The following XIRP2 variants were observed in gnomAD, a reference collection of about 807,000 sequenced individuals.
The protein encoded by XIRP2 is xin actin binding repeat containing 2, also known as xin actin-binding repeat-containing protein 2.
XIRP2 carries 236 observed loss-of-function variants against 277.0 expected under a neutral mutation model. The observed-to-expected ratio is 0.85, with a 90% CI of 0.77 to 0.95. The LOEUF (loss-of-function observed/expected upper bound fraction) is 0.95, where lower values mean the gene tolerates loss of function less well. Ranked by LOEUF, XIRP2 falls within the 40% of genes least tolerant of loss-of-function variation. The probability of loss-of-function intolerance (pLI) is 0.00; values close to 1 mark genes in which losing one functional copy is unlikely to be tolerated. For synonymous variants in XIRP2, 1,490 were observed against 1,416.5 expected (o/e 1.05, Z -1.17); for missense variants, 4,640 against 4,157.5 (o/e 1.12, Z -3.19).
intron 2 of XIRP2, among the ~76,000 whole-genome samples, chr2:166,997,173 A>G (rs1687243665): frequency 6.6e-6 from 1 of 152,132 alleles, no homozygotes; most frequent in Non-Finnish European, 1.5e-5. Flanking sequence ...AAAATATGAA[A>G]TCTCATTTTC....
At chr2:166,919,176 A>G (rs1684973011) in intron 2 of XIRP2, among the ~76,000 whole-genome samples, 1 of 152,068 alleles carries the variant, frequency 6.6e-6, no homozygotes, top group Admixed American at 6.6e-5. Context: ...GGCACATAAT[A>G]CTCACTGTAT....
At chr2:167,162,033 A>G (rs937962268) in intron 3 of XIRP2, among the ~76,000 whole-genome samples, 4 of 152,158 alleles carry the variant, frequency 2.6e-5, no homozygotes, top group Non-Finnish European at 5.9e-5. Flanking sequence ...TCTCTCTGTT[A>G]AAAGATAACA....
chr2:167,246,535 C>T lies in XIRP2; in HGVS notation c.5143C>T (p.Arg1715Cys), dbSNP rs745448561. Reference protein sequence around the residue: ...REEVIGGDVKRTIHNLLSSTS... With the variant: ...REEVIGGDVKCTIHNLLSSTS... ...AGAAGTAATAGGTGGTGATGTCAAA[C>T]GTACCATTCATAATTTATTGTCTTC... The change falls in exon 9 of 11, where the codon CGT becomes TGT. Residue 1715 changes from arginine (R) to cysteine (C), a missense_variant. Transcript: ENST00000409195. 39 of 1,613,510 alleles carry T rather than the reference C, an allele frequency of 2.4e-5. No homozygotes were observed. Among genetic ancestry groups the T allele is most frequent in the South Asian group, 1.2e-4 (11 of 91,052 alleles).
chr2:167,222,169 C>A (rs867554776), intron 5 of XIRP2, among the ~76,000 whole-genome samples: 5 of 152,140 alleles, frequency 3.3e-5, no homozygotes, highest in Non-Finnish European at 7.4e-5. Flanking sequence ...AAAAGGGGTG[C>A]ACAATATAAG....
At chr2:167,101,038 C>A (rs1690473272) in intron 2 of XIRP2, among the ~76,000 whole-genome samples, 1 of 151,992 alleles carries the variant, frequency 6.6e-6, no homozygotes, top group African/African-American at 2.4e-5. Context: ...TAAAAAAAAT[C>A]TTTTGAACGT....
In XIRP2 at chr2:166,988,167, C is replaced by T. The variant is rs377431705; in HGVS notation, c.408+84277C>T. ...AATAAGACATGTGGATATCAAGCAC[C>T]CCCTACTCTAATGCACTTGAAAGCA... On this transcript the variant is annotated intron_variant, in intron 2 of 10. Coordinates refer to ENST00000409195, the MANE Select transcript of XIRP2 (RefSeq NM_152381.6). 6.9e-4 allele frequency among the ~76,000 whole-genome samples: 105 copies of T among 152,194 alleles called. 1 individual carries two copies. The highest frequency in any genetic ancestry group is 2.5e-3 in the African/African-American group (103 of 41,532).
chr2:166,912,879 C>T (rs1374207112), intron 2 of XIRP2, among the ~76,000 whole-genome samples: 2 of 151,836 alleles, frequency 1.3e-5, no homozygotes, highest in Non-Finnish European at 1.5e-5. Flanking sequence ...CACTCGAGAC[C>T]GTTTCCCTGG....
chr2:167,240,533 C>T (rs1695032450), intron 6 of XIRP2, 131 bp from the exon 7 acceptor site: 1 of 700,270 alleles, frequency 1.4e-6, no homozygotes, highest in African/African-American at 1.8e-5. Context: ...ATGATAGCAG[C>T]TTAATTAGCA....
Position 167,172,182 on chromosome 2 carries a change from C to T in XIRP2, c.562+36120C>T, listed in dbSNP as rs572291877. Among the ~76,000 whole-genome samples the T allele has an allele frequency of 7.2e-5, 11 of 152,126 alleles. No individual in the cohort carries two copies. In the South Asian group the frequency reaches 1.0e-3, roughly 14 times the overall value. On this transcript the variant is annotated intron_variant, in intron 3 of 10. Coordinates refer to ENST00000409195, the MANE Select transcript of XIRP2 (RefSeq NM_152381.6). The stretch of plus-strand genomic sequence containing the variant: ...GGAGACATCACATGTCGGCAGGTTC[C>T]GTGATGCTCCCCAAGCCGCAAAACC...
intron 2 of XIRP2, among the ~76,000 whole-genome samples, chr2:167,102,238 C>T (rs910413436): frequency 1.3e-5 from 2 of 152,068 alleles, no homozygotes; most frequent in African/African-American, 4.8e-5. Context: ...AATCAGAGAC[C>T]AGGAGGCGCA....
intron 3 of XIRP2, among the ~76,000 whole-genome samples, chr2:167,155,222 G>C (rs1043349501): frequency 3.3e-5 from 5 of 151,490 alleles, no homozygotes; most frequent in African/African-American, 1.2e-4. Flanking sequence ...TAGAAAAAGA[G>C]GGAATCCTCC....
intron 2 of XIRP2, among the ~76,000 whole-genome samples, chr2:167,011,292 A>C (rs1687672677): frequency 6.6e-6 from 1 of 151,516 alleles, no homozygotes; most frequent in African/African-American, 2.4e-5. Flanking sequence ...GGGTTGTTGA[A>C]TTTTGTCAAA....
At chr2:167,050,563 G>A (rs953826208) in intron 2 of XIRP2, among the ~76,000 whole-genome samples, 3 of 151,934 alleles carry the variant, frequency 2.0e-5, no homozygotes, top group Non-Finnish European at 2.9e-5. Flanking sequence ...TGATGGCACG[G>A]CAAGGGATGG....
chr2:167,129,738 C>T (rs191868214), intron 2 of XIRP2, among the ~76,000 whole-genome samples: 231 of 151,780 alleles, frequency 1.5e-3, no homozygotes, highest in African/African-American at 5.0e-3. Context: ...GGCGTGGTGG[C>T]GCATGCCTGT....
chr2:167,185,312 T>A (rs1693124070), intron 3 of XIRP2, among the ~76,000 whole-genome samples: 1 of 152,128 alleles, frequency 6.6e-6, no homozygotes. Flanking sequence ...TTCCTGACCA[T>A]TTTTTGTTGG....
intron 2 of XIRP2, among the ~76,000 whole-genome samples, chr2:166,954,088 G>GGT (rs1286970675): frequency 6.6e-6 from 1 of 151,208 alleles, no homozygotes; most frequent in African/African-American, 2.4e-5. Flanking sequence ...AACCCTACTG[G>GGT]GTGTGTGTGT....
At chr2:166,940,909 A>G (rs1685691374) in intron 2 of XIRP2, among the ~76,000 whole-genome samples, 2 of 152,102 alleles carry the variant, frequency 1.3e-5, no homozygotes, top group Admixed American at 6.5e-5. Context: ...CCACTTGAGG[A>G]GGCAGTCTGT....
Position 167,247,787 on chromosome 2 carries a change from A to T in XIRP2, c.6395A>T (p.Asp2132Val). 1 of 1,613,286 alleles carries T rather than the reference A, an allele frequency of 6.2e-7. No individual in the cohort carries two copies. The highest frequency in any genetic ancestry group is 8.5e-7 in the Non-Finnish European group (1 of 1,179,666). The stretch of plus-strand genomic sequence containing the variant: ...CAACAGACATATGAACTGAGAAATG[A>T]CCACCAGAAAATGGAGGGTTTTCAT... ...GKQQTYELRN[D>V]HQKMEGFHIK... Residue 2132 changes from aspartate to valine, a missense_variant, in exon 9 of 11, where the codon GAC (aspartate) becomes GTC (valine). By Grantham distance (152) the Asp-to-Val change is radical. Coordinates refer to ENST00000409195, the MANE Select transcript of XIRP2 (RefSeq NM_152381.6).
At chr2:167,072,285 A>G (rs1259155689) in intron 2 of XIRP2, among the ~76,000 whole-genome samples, 1 of 152,180 alleles carries the variant, frequency 6.6e-6, no homozygotes, top group Non-Finnish European at 1.5e-5. Context: ...GGGTATATAT[A>G]GAAAACAGTG....
Sources: gnomAD v4.1 joint callset for allele counts (sites outside exome capture counted in the v4.1 genomes callset) on GRCh38, gnomAD v4.1.1 for gene constraint, MANE v1.5 for transcripts, NCBI Gene and HGNC (gene_info 2026-07-23, HGNC 2026-07-21) for gene names.